The following SNAP91 variants were observed in gnomAD, a reference collection of about 807,000 sequenced individuals.
SNAP91 encodes clathrin coat assembly protein AP180.
Under a neutral mutation model 100.3 loss-of-function variants are expected in SNAP91, and 27 were observed. The ratio of observed to expected loss-of-function variants is 0.27; its 90% CI spans 0.20 to 0.37. The LOEUF (loss-of-function observed/expected upper bound fraction) is 0.37, where lower values mean the gene tolerates loss of function less well. Ranked by LOEUF, SNAP91 falls within the 10% of genes least tolerant of loss-of-function variation. The probability of loss-of-function intolerance (pLI) is 1.00; values close to 1 mark genes in which losing one functional copy is unlikely to be tolerated. For synonymous variants in SNAP91, 404 were observed against 398.6 expected, an observed-to-expected ratio of 1.01 and a Z score of -0.16; for missense variants, 986 against 1,123.7, an observed-to-expected ratio of 0.88 and a Z score of 1.75.
intron 8 of SNAP91, among the ~76,000 whole-genome samples, chr6:83,627,355 C>T (rs2096979061): frequency 6.6e-6 from 1 of 152,010 alleles, no homozygotes; most frequent in South Asian, 2.1e-4. Flanking sequence ...CAGGATGACA[C>T]TGGTTTCACA....
chr6:83,659,150 A>G (rs2128721781), intron 5 of SNAP91, 58 bp from the exon 6 acceptor site: 7 of 1,306,456 alleles, frequency 5.4e-6, no homozygotes, highest in East Asian at 5.0e-5. Context: ...ATTCAAGACC[A>G]TATGAATTGT....
At chr6:83,640,903 C>T (rs1030470483) in intron 8 of SNAP91, among the ~76,000 whole-genome samples, 193 bp downstream of exon 8, 7 of 152,128 alleles carry the variant, frequency 4.6e-5, no homozygotes. Flanking sequence ...TGCAGGAGTA[C>T]AGAGTACAGC....
intron 11 of SNAP91, among the ~76,000 whole-genome samples, chr6:83,614,363 G>A (rs963079455): frequency 4.0e-5 from 6 of 150,984 alleles, no homozygotes; most frequent in Non-Finnish European, 5.9e-5. Context: ...TGGACACAAG[G>A]TACTAAATAT....
Position 83,582,372 on chromosome 6 carries a change from A to C in SNAP91, c.2015-16T>G. 1.2e-6 allele frequency: 2 copies of C among 1,606,096 alleles called. No homozygotes were observed. The highest frequency in any genetic ancestry group is 1.7e-6 in the Non-Finnish European group (2 of 1,176,086). On this transcript the variant is annotated splice_polypyrimidine_tract_variant and intron_variant, in intron 22 of 29. Coordinates refer to ENST00000369694, the MANE Select transcript of SNAP91 (RefSeq NM_001242792.2). ...CCCCCAAATCCTGAAAAAAAGTTCCAAAAAAACAAGCAGAAATAACATAAA... is the reference window on the plus strand; with the variant it reads ...CCCCCAAATCCTGAAAAAAAGTTCCCAAAAAACAAGCAGAAATAACATAAA...
At chr6:83,573,786 T>G (rs529596059) in intron 26 of SNAP91, among the ~76,000 whole-genome samples, 11 of 152,300 alleles carry the variant, frequency 7.2e-5, no homozygotes, top group African/African-American at 2.6e-4. Context: ...CCTTACACCT[T>G]ATACAAAAAT....
In SNAP91 at chr6:83,591,239, A is replaced by C. The variant is rs2093701313; in HGVS notation, c.1986T>G (p.Ser662Arg). Reference sequence around the variant, plus strand: ...CTAGTAGGTCTGCCGATGCTGATGAACTAGAAGCAGCCTGAGATGCAGGTT... The same window carrying C: ...CTAGTAGGTCTGCCGATGCTGATGACCTAGAAGCAGCCTGAGATGCAGGTT... Reference protein sequence around the residue: ...EPQPASQAASSSSASADLLAG... With the variant: ...EPQPASQAASRSSASADLLAG... The change falls in exon 22 of 30, where the codon AGT becomes AGG. Residue 662 changes from serine (S) to arginine (R), a missense_variant. This residue lies in a region of SNAP91 where 575 missense variants were observed against 579.9 expected (regional missense o/e 0.99). Coordinates refer to ENST00000369694, the MANE Select transcript of SNAP91 (RefSeq NM_001242792.2). 6.2e-7 allele frequency: 1 copy of C among 1,612,354 alleles called. No homozygotes were observed. Among genetic ancestry groups the C allele is most frequent in the Admixed American group, 1.7e-5 (1 of 60,004 alleles).
At chr6:83,612,820 G>A (rs1453814886) in intron 11 of SNAP91, among the ~76,000 whole-genome samples, 1 of 151,356 alleles carries the variant, frequency 6.6e-6, no homozygotes, top group East Asian at 2.0e-4. Context: ...GAACCTGGTG[G>A]GTGGAGGTTG....
At chr6:83,581,550 C>T (rs910521264) in intron 23 of SNAP91, among the ~76,000 whole-genome samples, 3 of 152,162 alleles carry the variant, frequency 2.0e-5, no homozygotes, top group African/African-American at 7.2e-5. Context: ...TGCATATCTA[C>T]CATAACAACT....
chr6:83,689,289 C>T (rs984156593), intron 2 of SNAP91, among the ~76,000 whole-genome samples: 1 of 152,180 alleles, frequency 6.6e-6, no homozygotes, highest in Admixed American at 6.5e-5. Context: ...GTCTTTATAA[C>T]ATGTCTATGA....
chr6:83,577,374 T>C (rs1820648702), intron 24 of SNAP91, among the ~76,000 whole-genome samples: 1 of 149,308 alleles, frequency 6.7e-6, no homozygotes, highest in Non-Finnish European at 1.5e-5. Context: ...CAAAATTTAT[T>C]TTAAAATTTA....
chr6:83,684,425 C>T (rs936723792), intron 2 of SNAP91, among the ~76,000 whole-genome samples: 4 of 152,128 alleles, frequency 2.6e-5, no homozygotes, highest in Non-Finnish European at 2.9e-5. Context: ...TGTTTGCATA[C>T]GCTATTCCCC....
intron 2 of SNAP91, among the ~76,000 whole-genome samples, chr6:83,699,742 A>G (rs1261919785): frequency 6.6e-6 from 1 of 152,206 alleles, no homozygotes; most frequent in East Asian, 1.9e-4. Flanking sequence ...ACACACATCC[A>G]CTAAAGAAGG....
At chr6:83,590,330 C>T (rs1364193269) in intron 22 of SNAP91, among the ~76,000 whole-genome samples, 1 of 152,144 alleles carries the variant, frequency 6.6e-6, no homozygotes, top group Non-Finnish European at 1.5e-5. Flanking sequence ...ATTTCTAGGT[C>T]AAGGCTATCA....
At chr6:83,575,266 C>G in intron 25 of SNAP91, 145 bp from the exon 26 acceptor site, 2 of 628,278 alleles carry the variant, frequency 3.2e-6, no homozygotes, top group Non-Finnish European at 5.5e-6. Flanking sequence ...GCAGTTAAAA[C>G]TTACAGAGGA....
chr6:83,633,202 G>T (rs1029500520), intron 8 of SNAP91, among the ~76,000 whole-genome samples: 2 of 152,200 alleles, frequency 1.3e-5, no homozygotes, highest in African/African-American at 4.8e-5. Context: ...GGCTGGTACT[G>T]GGGGGTTGTC....
At chr6:83,693,169 G>A (rs976947341) in intron 2 of SNAP91, among the ~76,000 whole-genome samples, 1 of 152,174 alleles carries the variant, frequency 6.6e-6, no homozygotes, top group African/African-American at 2.4e-5. Context: ...AGTTAGGACC[G>A]CTGAAGAAAT....
intron 11 of SNAP91, among the ~76,000 whole-genome samples, chr6:83,613,865 T>G (rs2096307300): frequency 6.6e-6 from 1 of 152,220 alleles, no homozygotes; most frequent in South Asian, 2.1e-4. Context: ...ATACTTCTAT[T>G]AATAATTTCA....
Position 83,615,227 on chromosome 6 carries a change from T to A in SNAP91, c.879-365A>T, listed in dbSNP as rs117786492. On this transcript the variant is annotated intron_variant, in intron 10 of 29. Coordinates refer to ENST00000369694, the MANE Select transcript of SNAP91 (RefSeq NM_001242792.2). ...CTACCCAAGGAGGCTTCTCTGTGAC[T>A]GCAGCACTGATAGATTTAACAAAAA... is the stretch of plus-strand genomic sequence containing the variant. Among the ~76,000 whole-genome samples the A allele has an allele frequency of 2.1e-4, 32 of 152,294 alleles. No homozygotes were observed. In the East Asian group the frequency reaches 6.2e-3, roughly 29 times the overall value.
intron 22 of SNAP91, among the ~76,000 whole-genome samples, chr6:83,587,240 T>G (rs2092851554): frequency 6.6e-6 from 1 of 152,170 alleles, no homozygotes; most frequent in South Asian, 2.1e-4. Flanking sequence ...ATGATTCACA[T>G]GTAAATGTAT....
Sources: allele counts gnomAD v4.1 joint callset (sites outside exome capture counted in the v4.1 genomes callset), GRCh38; gene constraint gnomAD v4.1.1; regional missense constraint gnomAD v4.1.1; transcripts MANE v1.5; gene names NCBI Gene and HGNC (gene_info 2026-07-23, HGNC 2026-07-21).